Variants in SNAP91 observed in about 807,000 individuals in gnomAD.
SNAP91 encodes clathrin coat assembly protein AP180.
A neutral mutation model predicts 100.3 loss-of-function variants in SNAP91; 27 were observed. The ratio of observed to expected loss-of-function variants is 0.27; its 90% CI spans 0.20 to 0.37. SNAP91 has a LOEUF of 0.37. Among genes scored for constraint, SNAP91 ranks in the 10% least tolerant of loss-of-function variants. The pLI, the probability that SNAP91 is intolerant of heterozygous loss-of-function variation, is 1.00. For synonymous variants in SNAP91, 404 were observed against 398.6 expected (o/e 1.01, Z -0.16); for missense variants, 986 against 1,123.7 (o/e 0.88, Z 1.75).
Position 83,591,250 on chromosome 6 carries a change from C to A in SNAP91, c.1975G>T (p.Ala659Ser), listed in dbSNP as rs199865724. The part of the protein sequence containing the change: ...SASEPQPASQ[A>S]ASSSSASADL... ...GCCGATGCTGATGAACTAGAAGCAG[C>A]CTGAGATGCAGGTTGGGGTTCAGAA... The change falls in exon 22 of 30, where the codon GCT becomes TCT. Residue 659 changes from alanine (A) to serine (S), a missense_variant. By Grantham distance (99) the Ala-to-Ser change is moderately conservative. Coordinates refer to ENST00000369694, the MANE Select transcript of SNAP91 (RefSeq NM_001242792.2). 9.2e-4 allele frequency: 1,488 copies of A among 1,612,740 alleles called. 1 individual carries two copies. The highest frequency in any genetic ancestry group is 1.1e-3 in the Non-Finnish European group (1,354 of 1,179,054).
chr6:83,653,755 GA>G (rs2098298059), intron 7 of SNAP91, among the ~76,000 whole-genome samples: 1 of 152,184 alleles, frequency 6.6e-6, no homozygotes, highest in Admixed American at 6.5e-5. Flanking sequence ...AAGGTGCGGA[GA>G]GGGGAAGTGT....
chr6:83,561,571 G>C (rs1162791187), intron 26 of SNAP91, among the ~76,000 whole-genome samples: 2 of 152,114 alleles, frequency 1.3e-5, no homozygotes, highest in Non-Finnish European at 2.9e-5. Flanking sequence ...GGCTTCCTCT[G>C]TATCTTTTTA....
At chr6:83,559,915 G>A (rs370010010) in intron 28 of SNAP91, among the ~76,000 whole-genome samples, 189 bp downstream of exon 28, 1 of 152,186 alleles carries the variant, frequency 6.6e-6, no homozygotes, top group African/African-American at 2.4e-5. Flanking sequence ...TTTAGACAGT[G>A]AGTTATTTCC....
chr6:83,563,804 G>A (rs1224723466), intron 26 of SNAP91, among the ~76,000 whole-genome samples: 3 of 152,084 alleles, frequency 2.0e-5, no homozygotes, highest in Admixed American at 2.0e-4. Flanking sequence ...TTTAACAGAA[G>A]TATGAGACTT....
chr6:83,610,720 T>C (rs2095976288), intron 11 of SNAP91, 43 bp from the exon 12 acceptor site: 1 of 171,150 alleles, frequency 5.8e-6, no homozygotes, highest in Non-Finnish European at 1.0e-5. Flanking sequence ...AATATATATA[T>C]ATATATATAT....
intron 11 of SNAP91, 44 bp from the exon 12 acceptor site, chr6:83,610,721 A>G (rs1321499967): frequency 1.1e-5 from 2 of 178,760 alleles, no homozygotes; most frequent in African/African-American, 6.1e-5. Context: ...ATATATATAT[A>G]TATATATATA....
chr6:83,676,197 A>G (rs976458124), intron 2 of SNAP91, among the ~76,000 whole-genome samples: 6 of 152,166 alleles, frequency 3.9e-5, no homozygotes, highest in African/African-American at 1.4e-4. Context: ...GCTATGTGCC[A>G]GGCACTGTTC....
rs188815151 is a variant in SNAP91 at position 83,648,488 on chromosome 6, G to T, written c.659-7286C>A. Among the ~76,000 whole-genome samples the T allele has an allele frequency of 1.6e-3, 237 of 151,942 alleles. 1 individual carries two copies. Among genetic ancestry groups the T allele is most frequent in the African/African-American group, 5.4e-3 (225 of 41,460 alleles). ...AGCATCCAGGATATGATCCTAGTGGGTCATAAGTTAGGTGTATGTTTCTTT... is the reference window on the plus strand; with the variant it reads ...AGCATCCAGGATATGATCCTAGTGGTTCATAAGTTAGGTGTATGTTTCTTT... On this transcript the variant is annotated intron_variant, in intron 7 of 29. Coordinates refer to ENST00000369694, the MANE Select transcript of SNAP91 (RefSeq NM_001242792.2).
chr6:83,573,649 A>G (rs1458249065), intron 26 of SNAP91, among the ~76,000 whole-genome samples: 1 of 152,200 alleles, frequency 6.6e-6, no homozygotes, highest in Non-Finnish European at 1.5e-5. Context: ...CTAATGCCAC[A>G]TATCTACAAC....
intron 24 of SNAP91, among the ~76,000 whole-genome samples, chr6:83,577,694 G>A (rs569698274): frequency 3.9e-5 from 6 of 152,184 alleles, no homozygotes; most frequent in South Asian, 2.1e-4. Flanking sequence ...CAATAGAAGC[G>A]TCAGCTAACA....
chr6:83,621,813 T>C (rs950513157), intron 9 of SNAP91, among the ~76,000 whole-genome samples: 8 of 152,082 alleles, frequency 5.3e-5, no homozygotes, highest in African/African-American at 1.7e-4. Flanking sequence ...AGGGTGTCCA[T>C]AGATGTGAAA....
chr6:83,674,209 G>T (rs2098828334), intron 2 of SNAP91, among the ~76,000 whole-genome samples: 1 of 152,142 alleles, frequency 6.6e-6, no homozygotes, highest in Admixed American at 6.6e-5. Flanking sequence ...CGGATCACTT[G>T]AGGTCGGGAG....
At chr6:83,596,052 T>A (rs1370440242) in intron 16 of SNAP91, among the ~76,000 whole-genome samples, 2 of 152,216 alleles carry the variant, frequency 1.3e-5, no homozygotes, top group African/African-American at 4.8e-5. Flanking sequence ...AGGAAATATA[T>A]GTTCAATTTA....
intron 2 of SNAP91, among the ~76,000 whole-genome samples, chr6:83,668,395 G>A (rs2098724797): frequency 6.6e-6 from 1 of 152,120 alleles, no homozygotes; most frequent in Admixed American, 6.5e-5. Flanking sequence ...GTTTATTGCA[G>A]CAATATTCAC....
chr6:83,582,479 G>T, intron 22 of SNAP91, 123 bp from the exon 23 acceptor site: 1 of 977,968 alleles, frequency 1.0e-6, no homozygotes, highest in Non-Finnish European at 1.4e-6. Flanking sequence ...TTAGCAGTCA[G>T]TGAAACAGAG....
At chr6:83,593,954 G>A (rs1017047073) in intron 17 of SNAP91, among the ~76,000 whole-genome samples, 2 of 152,170 alleles carry the variant, frequency 1.3e-5, no homozygotes, top group Non-Finnish European at 2.9e-5. Flanking sequence ...CCACAAGTTA[G>A]CAAACTAAAG....
At chr6:83,593,800 G>A (rs962724504) in intron 17 of SNAP91, 59 bp from the exon 18 acceptor site, 17 of 1,510,604 alleles carry the variant, frequency 1.1e-5, no homozygotes, top group Non-Finnish European at 1.5e-5. Flanking sequence ...ACAAGAGACA[G>A]CATCATAACT....
chr6:83,592,909 G>A (rs2093972430), intron 20 of SNAP91, 37 bp downstream of exon 20: 1 of 1,464,146 alleles, frequency 6.8e-7, no homozygotes, highest in Non-Finnish European at 9.4e-7. Context: ...ACTTCCACAA[G>A]ACATCTCTGA....
intron 16 of SNAP91, among the ~76,000 whole-genome samples, chr6:83,596,645 A>G (rs1562270804): frequency 2.0e-5 from 3 of 149,108 alleles, no homozygotes; most frequent in Admixed American, 6.7e-5. Flanking sequence ...ATCACAAACA[A>G]TAAGTGAGGT....
Sources: allele counts gnomAD v4.1 joint callset (sites outside exome capture counted in the v4.1 genomes callset), GRCh38; gene constraint gnomAD v4.1.1; transcripts MANE v1.5; gene names NCBI Gene and HGNC (gene_info 2026-07-23, HGNC 2026-07-21).